The following UBE2K variants were observed in gnomAD, a reference collection of about 807,000 sequenced individuals.
UBE2K encodes ubiquitin-conjugating enzyme E2 K.
A neutral mutation model predicts 30.0 loss-of-function variants in UBE2K; 6 were observed. The ratio of observed to expected loss-of-function variants is 0.20; its 90% CI spans 0.11 to 0.39. The LOEUF (loss-of-function observed/expected upper bound fraction) is 0.39. UBE2K is among the 10% of genes least tolerant of loss of function. The pLI is 1.00. For missense variants in UBE2K, 61 were observed against 241.6 expected, an observed-to-expected ratio of 0.25 and a Z score of 4.96; for synonymous variants, 86 against 83.7, an observed-to-expected ratio of 1.03 and a Z score of -0.15.
intron 1 of UBE2K, among the ~76,000 whole-genome samples, chr4:39,726,698 C>T (rs1189003511): frequency 2.0e-5 from 3 of 152,074 alleles, no homozygotes; most frequent in Non-Finnish European, 2.9e-5. Context: ...TGGGCTCAGA[C>T]GATTCTCCTC....
In UBE2K at chr4:39,745,785, A is replaced by G; in HGVS notation, c.191A>G (p.Glu64Gly). Residue 64 changes from glutamate (E) to glycine (G), a missense_variant, in exon 3 of 7, where the codon GAA becomes GGA. Coordinates refer to ENST00000261427, the MANE Select transcript of UBE2K (RefSeq NM_005339.5). ...GRYQLEIKIP[E>G]TYPFNPPKVR... is the part of the protein sequence containing the mutation. ...TACCAACTAGAGATAAAAATACCAG[A>G]AACATACCCATTTAATCCCCCTAAG... 1 of 1,607,926 alleles carries G rather than the reference A, an allele frequency of 6.2e-7. No homozygotes were observed. Among genetic ancestry groups the G allele is most frequent in the Non-Finnish European group, 8.5e-7 (1 of 1,177,226 alleles).
intron 1 of UBE2K, among the ~76,000 whole-genome samples, chr4:39,705,036 A>G (rs1274967463): frequency 6.7e-6 from 1 of 149,382 alleles, no homozygotes; most frequent in Non-Finnish European, 1.5e-5. Flanking sequence ...ATGCATGGCT[A>G]ATGTTTTTTT....
At chr4:39,706,435 C>T (rs919001079) in intron 1 of UBE2K, among the ~76,000 whole-genome samples, 1 of 148,790 alleles carries the variant, frequency 6.7e-6, no homozygotes, top group Admixed American at 6.7e-5. Context: ...AAGTGCTTGG[C>T]TTAAATGGTG....
At chr4:39,714,525 T>C (rs1718902414) in intron 1 of UBE2K, 1 of 30,192 alleles carries the variant, frequency 3.3e-5, no homozygotes, top group Non-Finnish European at 5.1e-5. Context: ...TTCATATATA[T>C]ATATATATAT....
At chr4:39,698,448 A>C in intron 1 of UBE2K, 58 bp downstream of exon 1, 1 of 1,515,100 alleles carries the variant, frequency 6.6e-7, no homozygotes, top group Non-Finnish European at 9.0e-7. Context: ...GGGTCCTCCC[A>C]GCTGCGACCC....
chr4:39,762,539 C>T (rs1712023343), intron 4 of UBE2K, among the ~76,000 whole-genome samples: 1 of 152,128 alleles, frequency 6.6e-6, no homozygotes, highest in South Asian at 2.1e-4. Flanking sequence ...CCTCAGGGAG[C>T]TTATGATCAC....
In UBE2K at chr4:39,744,888, C is replaced by T. The variant is rs901465102; in HGVS notation, c.158-864C>T. Among the ~76,000 whole-genome samples the T allele has an allele frequency of 5.1e-5, 7 of 136,564 alleles. No individual in the cohort carries two copies. In the Admixed American group the frequency reaches 5.5e-4, roughly 11 times the overall value. 89.6% of individuals were successfully genotyped at this position (136,564 alleles called of 152,430 possible). A position where few individuals can be genotyped will look rare whatever the true frequency, so the allele number is the denominator to read the frequency against. On this transcript the variant is annotated intron_variant, in intron 2 of 6. Coordinates refer to ENST00000261427, the MANE Select transcript of UBE2K (RefSeq NM_005339.5). ...CGCCACTGCACTCCGGCCTGGGCAA[C>T]AGAGCGAGACTCTGTCTCAAAAAAA...
intron 4 of UBE2K, among the ~76,000 whole-genome samples, chr4:39,756,542 TCTA>T (rs1295222831): frequency 6.6e-6 from 1 of 152,070 alleles, no homozygotes; most frequent in Non-Finnish European, 1.5e-5. Context: ...AGCCTTGACC[TCTA>T]AAGCCCAAGT....
At chr4:39,740,563 A>T (rs1175975560) in intron 2 of UBE2K, among the ~76,000 whole-genome samples, 3 of 150,824 alleles carry the variant, frequency 2.0e-5, no homozygotes. Context: ...AAAAAGATAC[A>T]TTAAGATATA....
intron 1 of UBE2K, 53 bp downstream of exon 1, chr4:39,698,443 C>T (rs1717816580): frequency 1.3e-6 from 2 of 1,541,344 alleles, no homozygotes; most frequent in South Asian, 1.2e-5. Context: ...CGGGAGGGTC[C>T]TCCCAGCTGC....
chr4:39,699,507 T>A (rs938652700), intron 1 of UBE2K, among the ~76,000 whole-genome samples: 2 of 152,200 alleles, frequency 1.3e-5, no homozygotes, highest in Non-Finnish European at 2.9e-5. Flanking sequence ...CTCTAGTAAT[T>A]TGACTCAAAA....
intron 1 of UBE2K, among the ~76,000 whole-genome samples, chr4:39,705,833 G>T (rs1718325509): frequency 6.7e-6 from 1 of 149,866 alleles, no homozygotes; most frequent in Non-Finnish European, 1.5e-5. Context: ...GGGATTACAG[G>T]CATGCGCCAC....
chr4:39,714,550 A>ATATATATATATATATATATTTTTT, intron 1 of UBE2K: 1 of 17,848 alleles, frequency 5.6e-5, no homozygotes, highest in Non-Finnish European at 8.7e-5. Context: ...ATATATATAT[A>ATATATATATATATATATATTTTTT]TTTTTTTTTT....
chr4:39,725,791 C>T (rs961563201), intron 1 of UBE2K, among the ~76,000 whole-genome samples: 1 of 152,090 alleles, frequency 6.6e-6, no homozygotes, highest in Non-Finnish European at 1.5e-5. Flanking sequence ...TACAGGTGCA[C>T]ACCACCATAC....
At position 39,779,043 on chromosome 4, in the gene UBE2K, C is replaced by CCG. The variant is rs1713446086; in HGVS notation, c.*610_*611insGC. The CCG allele has an allele frequency of 1.1e-4, 2 of 18,796 alleles. No individual in the cohort carries two copies. Among genetic ancestry groups the CCG allele is most frequent in the South Asian group, 0.014 (2 of 140 alleles). The allele number at this position is 18,796 out of a possible 1,614,324, so 1.2% of individuals were successfully genotyped here. A position where few individuals can be genotyped will look rare whatever the true frequency, so the allele number is the denominator to read the frequency against. On this transcript the variant is annotated 3_prime_UTR_variant, in exon 7 of 7. Coordinates refer to ENST00000261427, the MANE Select transcript of UBE2K (RefSeq NM_005339.5). The stretch of plus-strand genomic sequence containing the variant: ...GGGACAGTGTCTGATTCCCCCTTCA[C>CCG]CCCCCCCACCCCCGCCTTGCCACAC...
At chr4:39,768,882 G>A (rs1052986003) in intron 4 of UBE2K, among the ~76,000 whole-genome samples, 1 of 152,048 alleles carries the variant, frequency 6.6e-6, no homozygotes, top group Admixed American at 6.6e-5. Flanking sequence ...ATTTTTGATG[G>A]AGTATCACTC....
intron 4 of UBE2K, among the ~76,000 whole-genome samples, chr4:39,760,810 T>TA (rs200053497): frequency 0.011 from 1,694 of 151,824 alleles, 39 homozygotes; most frequent in African/African-American, 0.038. Flanking sequence ...TTAAAACAAA[T>TA]AAAAAAATAC....
chr4:39,733,617 G>T (rs1002545355), intron 1 of UBE2K, among the ~76,000 whole-genome samples: 2 of 152,130 alleles, frequency 1.3e-5, no homozygotes, highest in Non-Finnish European at 2.9e-5. Flanking sequence ...ACAGTCGTGA[G>T]CCACTGCACC....
At chr4:39,770,677 C>G (rs974581266) in intron 4 of UBE2K, 146 of 1,579,092 alleles carry the variant, frequency 9.2e-5, no homozygotes, top group Middle Eastern at 2.1e-4. Flanking sequence ...GGTGGGGCCA[C>G]AGTGCTGGGG....
Sources: allele counts gnomAD v4.1 joint callset (sites outside exome capture counted in the v4.1 genomes callset), GRCh38; gene constraint gnomAD v4.1.1; transcripts MANE v1.5; gene names NCBI Gene and HGNC (gene_info 2026-07-23, HGNC 2026-07-21).